SCCPDH: variants seen among roughly 807,000 people sequenced by gnomAD.
SCCPDH encodes the protein saccharopine dehydrogenase-like oxidoreductase.
Under a neutral mutation model 51.5 loss-of-function variants are expected in SCCPDH, and 34 were observed. That is an observed-to-expected ratio of 0.66 (90% confidence interval 0.50 to 0.88). SCCPDH has a LOEUF of 0.88. Among genes scored for constraint, SCCPDH ranks in the 40% least tolerant of loss-of-function variants. SCCPDH has a pLI of 0.00. For missense variants in SCCPDH, 464 were observed against 527.1 expected (o/e 0.88, Z 1.17); for synonymous variants, 187 against 191.3 (o/e 0.98, Z 0.19).
chr1:246,763,442 T>G (rs1355482123), intron 9 of SCCPDH, among the ~76,000 whole-genome samples: 1 of 152,206 alleles, frequency 6.6e-6, no homozygotes, highest in Non-Finnish European at 1.5e-5. Context: ...ACTGCATCCC[T>G]TCTTCCCTTT....
chr1:246,725,310 TTCTC>T (rs1168840458), intron 1 of SCCPDH, among the ~76,000 whole-genome samples: 1 of 140,652 alleles, frequency 7.1e-6, no homozygotes, highest in Admixed American at 7.3e-5. Flanking sequence ...TATTTATTGA[TTCTC>T]TAAGCATTGA....
intron 2 of SCCPDH, 63 bp downstream of exon 2, chr1:246,727,067 C>T (rs555441736): frequency 8.3e-5 from 105 of 1,258,290 alleles, no homozygotes; most frequent in Non-Finnish European, 1.1e-4. Flanking sequence ...CAAAATATTC[C>T]AGAGGAACAT....
At chr1:246,761,895 T>C (rs1669021357) in intron 9 of SCCPDH, among the ~76,000 whole-genome samples, 1 of 152,234 alleles carries the variant, frequency 6.6e-6, no homozygotes, top group Non-Finnish European at 1.5e-5. Context: ...TTAAATTCTT[T>C]TGGGCATATA....
chr1:246,733,421 C>T (rs940158383), intron 2 of SCCPDH, among the ~76,000 whole-genome samples: 1 of 150,140 alleles, frequency 6.7e-6, no homozygotes, highest in East Asian at 1.9e-4. Context: ...TATATATAGT[C>T]CTTATATGTA....
intron 7 of SCCPDH, among the ~76,000 whole-genome samples, chr1:246,759,495 T>G (rs1668981053): frequency 6.6e-6 from 1 of 152,180 alleles, no homozygotes; most frequent in African/African-American, 2.4e-5. Context: ...CTGTCCCCTC[T>G]CTCCTTGCCA....
At chr1:246,764,147 A>G (rs948222513) in intron 9 of SCCPDH, 99 bp from the exon 10 acceptor site, 9 of 688,264 alleles carry the variant, frequency 1.3e-5, no homozygotes, top group Non-Finnish European at 1.8e-5. Context: ...GTTTTCATCT[A>G]TTGACAATGT....
At chr1:246,734,748 G>A (rs1228781475) in intron 2 of SCCPDH, among the ~76,000 whole-genome samples, 2 of 152,192 alleles carry the variant, frequency 1.3e-5, no homozygotes, top group Non-Finnish European at 2.9e-5. Context: ...TTTGCTGCCA[G>A]GAATGAATAA....
At chr1:246,732,373 G>GAA (rs751097697) in intron 2 of SCCPDH, among the ~76,000 whole-genome samples, 18 of 151,902 alleles carry the variant, frequency 1.2e-4, no homozygotes, top group Non-Finnish European at 2.5e-4. Flanking sequence ...AGGATAGGTA[G>GAA]CATGAAAGAC....
In SCCPDH at chr1:246,744,122, T is replaced by C. The variant is rs758036900; in HGVS notation, c.561T>C (p.Pro187=). 4 of 1,594,630 alleles carry C rather than the reference T, an allele frequency of 2.5e-6. No individual in the cohort carries two copies. The highest frequency in any genetic ancestry group is 3.4e-6 in the Non-Finnish European group (4 of 1,165,124). ...GTTTCCTGACTATACATTCAGGACCTGAGGTTGGTTTTTTGGTTTGTCTTG... is the reference window on the plus strand; with the variant it reads ...GTTTCCTGACTATACATTCAGGACCCGAGGTTGGTTTTTTGGTTTGTCTTG... ...VESFLTIHSG[P]EGLSIHDGTW... Residue 187 remains proline, a synonymous_variant, in exon 5 of 12, where the codon CCT becomes CCC. Transcript: ENST00000366510.
intron 3 of SCCPDH, 119 bp downstream of exon 3, chr1:246,736,174 TC>T: frequency 1.5e-6 from 1 of 652,346 alleles, no homozygotes; most frequent in South Asian, 1.8e-5. Context: ...TTTCTAGCAT[TC>T]AGATATGGTA....
At chr1:246,760,346 A>G in intron 9 of SCCPDH, 119 bp downstream of exon 9, 4 of 818,236 alleles carry the variant, frequency 4.9e-6, no homozygotes, top group South Asian at 1.8e-5. Flanking sequence ...TATGTAAATT[A>G]GATTATTCAA....
intron 1 of SCCPDH, 134 bp downstream of exon 1, chr1:246,724,746 G>A: frequency 1.3e-6 from 1 of 772,456 alleles, no homozygotes; most frequent in Non-Finnish European, 1.9e-6. Flanking sequence ...GAAGAGGAGA[G>A]GGAGAGATGT....
Position 246,735,111 on chromosome 1 carries a change from C to T in SCCPDH, c.304-864C>T, listed in dbSNP as rs932041734. On this transcript the variant is annotated intron_variant, in intron 2 of 11. Coordinates refer to ENST00000366510, the MANE Select transcript of SCCPDH (RefSeq NM_016002.3). ...ATTGTATGTCTCATCTTTAGTATAT[C>T]GTCTGTGCTATAAGTCTTATACCAC... Among the ~76,000 whole-genome samples the T allele has an allele frequency of 2.6e-5, 4 of 152,240 alleles. No individual in the cohort carries two copies. The South Asian group carries it at 8.3e-4, about 32-fold the overall frequency.
rs777055643 is a variant in SCCPDH at position 246,744,139 on chromosome 1, T to G, written c.564+14T>G. ...TCAGGACCTGAGGTTGGTTTTTTGG[T>G]TTGTCTTGTGTTGTTTCAAGTTAAT... On this transcript the variant is annotated intron_variant, in intron 5 of 11. Coordinates refer to ENST00000366510, the MANE Select transcript of SCCPDH (RefSeq NM_016002.3). The G allele has an allele frequency of 6.4e-7, 1 of 1,554,236 alleles. No homozygotes were observed.
chr1:246,735,865 A>G, intron 2 of SCCPDH, 110 bp from the exon 3 acceptor site: 1 of 686,464 alleles, frequency 1.5e-6, no homozygotes, highest in Non-Finnish European at 2.5e-6. Context: ...TATTTTATTA[A>G]CAGTTGATTT....
chr1:246,737,072 A>G (rs1005663827), intron 3 of SCCPDH, among the ~76,000 whole-genome samples: 1 of 152,180 alleles, frequency 6.6e-6, no homozygotes, highest in Non-Finnish European at 1.5e-5. Context: ...TACAGCCTTT[A>G]AAATGGTAAC....
In SCCPDH at chr1:246,766,108, C is replaced by T. The variant is rs779331406; in HGVS notation, c.1153C>T (p.Leu385Phe). The change falls in exon 11 of 12, where the codon CTT becomes TTT. Residue 385 changes from leucine (L) to phenylalanine (F), a missense_variant. By Grantham distance (22) the Leu-to-Phe change is conservative. Coordinates refer to ENST00000366510, the MANE Select transcript of SCCPDH (RefSeq NM_016002.3). ...PIAMVQAAMT[L>F]LSDASHLPKA... ...AGCTATGGTTCAGGCAGCCATGACT[C>T]TTCTAAGTGATGCTTCTCATCTGCC... The T allele has an allele frequency of 1.2e-6, 2 of 1,613,388 alleles. No individual in the cohort carries two copies. Among genetic ancestry groups the T allele is most frequent in the South Asian group, 1.1e-5 (1 of 90,984 alleles).
rs146380068 is a variant in SCCPDH, at chr1:246,740,932, T to G, written c.514+631T>G. Among the ~76,000 whole-genome samples, 632 of 151,778 alleles carry G rather than the reference T, an allele frequency of 4.2e-3. 6 individuals carry two copies. Among genetic ancestry groups the G allele is most frequent in the African/African-American group, 0.015 (605 of 41,390 alleles). ...TCGTCCCTAAGAAATAAAAAAAAAT[T>G]AGCCAGGTGTGGTGGTGCACACCTG... On this transcript the variant is annotated intron_variant, in intron 4 of 11. Coordinates refer to ENST00000366510, the MANE Select transcript of SCCPDH (RefSeq NM_016002.3).
chr1:246,736,179 T>A, intron 3 of SCCPDH, 124 bp downstream of exon 3: 1 of 644,714 alleles, frequency 1.6e-6, no homozygotes, highest in Non-Finnish European at 2.7e-6. Context: ...AGCATTCAGA[T>A]ATGGTATTCG....
Sources: gnomAD v4.1 joint callset for allele counts (sites outside exome capture counted in the v4.1 genomes callset) on GRCh38, gnomAD v4.1.1 for gene constraint, MANE v1.5 for transcripts, NCBI Gene and HGNC (gene_info 2026-07-23, HGNC 2026-07-21) for gene names.